CHRM3: variants seen among roughly 807,000 people sequenced by gnomAD.
The protein encoded by CHRM3 is cholinergic receptor muscarinic 3, also known as muscarinic acetylcholine receptor M3.
In CHRM3, 11 loss-of-function variants were observed where a neutral mutation model predicts 41.8. The ratio of observed to expected loss-of-function variants is 0.26; its 90% CI spans 0.17 to 0.44. The LOEUF (loss-of-function observed/expected upper bound fraction) is 0.44. CHRM3 is among the 20% of genes least tolerant of loss of function. CHRM3 has a pLI of 1.00. For synonymous variants in CHRM3, 297 were observed against 301.4 expected (o/e 0.99, Z 0.15); for missense variants, 571 against 745.4 (o/e 0.77, Z 2.72).
intron 3 of CHRM3, among the ~76,000 whole-genome samples, chr1:239,550,659 A>T (rs1367273487): frequency 1.3e-5 from 2 of 152,188 alleles, no homozygotes; most frequent in Admixed American, 1.3e-4. Context: ...ACTTACCGTG[A>T]TGTTTATATC....
At chr1:239,866,991 G>T (rs375770140) in intron 6 of CHRM3, among the ~76,000 whole-genome samples, 1 of 152,174 alleles carries the variant, frequency 6.6e-6, no homozygotes. Context: ...AGGCTAGTGC[G>T]TGGTAGAACC....
chr1:239,519,301 CTAAACTAAAATTCTAAATT>C (rs1439992728), intron 2 of CHRM3, among the ~76,000 whole-genome samples: 3 of 152,064 alleles, frequency 2.0e-5, no homozygotes, highest in African/African-American at 4.8e-5. Context: ...CTCTAGGAAA[CTAAACTAAAATTCTAAATT>C]TAAACTAAAA....
At chr1:239,736,642 A>C (rs1303680275) in intron 5 of CHRM3, among the ~76,000 whole-genome samples, 1 of 152,128 alleles carries the variant, frequency 6.6e-6, no homozygotes, top group Non-Finnish European at 1.5e-5. Context: ...ACTCCATCTC[A>C]GGATTTTGCT....
At chr1:239,868,440 C>G (rs1676302938) in intron 6 of CHRM3, among the ~76,000 whole-genome samples, 1 of 152,122 alleles carries the variant, frequency 6.6e-6, no homozygotes, top group Non-Finnish European at 1.5e-5. Flanking sequence ...TTTTTCCCTT[C>G]TCTCAGTCTC....
rs372358378 is a variant in CHRM3, at chr1:239,641,832, C to T, written c.-250+9546C>T. Among the ~76,000 whole-genome samples the T allele has an allele frequency of 3.2e-5, 4 of 126,562 alleles. 1 individual carries two copies. The highest frequency in any genetic ancestry group is 8.1e-5 in the Admixed American group (1 of 12,396). 83.0% of individuals were successfully genotyped at this position (126,562 alleles called of 152,430 possible). On this transcript the variant is annotated intron_variant, in intron 4 of 6. Transcript: ENST00000676153. Reference sequence around the variant, plus strand: ...TATGATGTTAGCTGGTTATTTTGCTCGTTAGTTGATGCAGTTTCTTCCTAG... The same window carrying T: ...TATGATGTTAGCTGGTTATTTTGCTTGTTAGTTGATGCAGTTTCTTCCTAG...
At chr1:239,638,865 T>C in intron 4 of CHRM3, among the ~76,000 whole-genome samples, 1 of 152,196 alleles carries the variant, frequency 6.6e-6, no homozygotes, top group East Asian at 1.9e-4. Flanking sequence ...TGGTAATGCC[T>C]AGGTTTTCTT....
chr1:239,524,649 G>C (rs1330963699), intron 2 of CHRM3, among the ~76,000 whole-genome samples: 4 of 151,994 alleles, frequency 2.6e-5, no homozygotes, highest in Non-Finnish European at 1.5e-5. Context: ...ATATTAACCA[G>C]AGTAAGCCAT....
At chr1:239,455,276 C>A (rs1664844876) in intron 1 of CHRM3, among the ~76,000 whole-genome samples, 1 of 151,990 alleles carries the variant, frequency 6.6e-6, no homozygotes, top group Non-Finnish European at 1.5e-5. Flanking sequence ...GTCTTGAACT[C>A]CCAACCTCAG....
intron 5 of CHRM3, among the ~76,000 whole-genome samples, chr1:239,782,724 T>C: frequency 6.6e-6 from 1 of 152,136 alleles, no homozygotes; most frequent in South Asian, 2.1e-4. Flanking sequence ...TTTAAGATCT[T>C]TCTTTCCTAA....
chr1:239,759,166 TTTGTTTTTTTTTTTTG>T (rs1666496609), intron 5 of CHRM3, among the ~76,000 whole-genome samples: 3 of 135,502 alleles, frequency 2.2e-5, no homozygotes, highest in East Asian at 4.3e-4. Context: ...GGTTTTTTTT[TTTGTTTTTTTTTTTTG>T]TTTTTTTTTT....
chr1:239,423,185 T>G (rs557700875), intron 1 of CHRM3, among the ~76,000 whole-genome samples: 5 of 152,278 alleles, frequency 3.3e-5, no homozygotes, highest in East Asian at 1.9e-4. Flanking sequence ...CCAAAGAAAT[T>G]TTATCTTCTT....
intron 1 of CHRM3, among the ~76,000 whole-genome samples, chr1:239,403,143 T>C (rs1326068834): frequency 2.6e-4 from 39 of 152,204 alleles, no homozygotes; most frequent in Non-Finnish European, 2.9e-5. Flanking sequence ...CCTTGTCCTT[T>C]AGATTTTGAG....
intron 2 of CHRM3, among the ~76,000 whole-genome samples, chr1:239,500,617 T>TA (rs1362477411): frequency 7.1e-6 from 1 of 141,462 alleles, no homozygotes; most frequent in Non-Finnish European, 1.6e-5. Flanking sequence ...AAAGTATAAT[T>TA]AAAAAAAAAT....
intron 5 of CHRM3, among the ~76,000 whole-genome samples, chr1:239,724,340 A>T (rs1039349277): frequency 6.6e-6 from 1 of 151,990 alleles, no homozygotes; most frequent in Non-Finnish European, 1.5e-5. Flanking sequence ...TGGCAAAGTG[A>T]TAATATCTTT....
intron 5 of CHRM3, among the ~76,000 whole-genome samples, chr1:239,766,718 T>C (rs1667257855): frequency 7.1e-6 from 1 of 140,138 alleles, no homozygotes; most frequent in South Asian, 2.2e-4. Context: ...GATATAGATA[T>C]AATTTTTCTT....
chr1:239,858,442 T>C (rs1675299343), intron 6 of CHRM3, among the ~76,000 whole-genome samples: 1 of 152,014 alleles, frequency 6.6e-6, no homozygotes, highest in South Asian at 2.1e-4. Flanking sequence ...TCTAGATTCC[T>C]GTTTTGGTTT....
chr1:239,678,674 C>T (rs538410680), intron 5 of CHRM3, among the ~76,000 whole-genome samples: 10 of 152,154 alleles, frequency 6.6e-5, no homozygotes, highest in African/African-American at 1.9e-4. Context: ...AGAAAAACAT[C>T]GACTTCTTTC....
intron 5 of CHRM3, among the ~76,000 whole-genome samples, chr1:239,755,170 G>A (rs1356078456): frequency 1.3e-5 from 2 of 152,098 alleles, no homozygotes; most frequent in South Asian, 2.1e-4. Flanking sequence ...AGATTCCAGA[G>A]GACTCCACCC....
chr1:239,392,993 T>C (rs528394868), intron 1 of CHRM3, among the ~76,000 whole-genome samples: 1 of 152,234 alleles, frequency 6.6e-6, no homozygotes, highest in Admixed American at 6.5e-5. Context: ...TTTTGTAGAC[T>C]CACAATCCAT....
Sources: gnomAD v4.1 joint callset for allele counts (sites outside exome capture counted in the v4.1 genomes callset) on GRCh38, gnomAD v4.1.1 for gene constraint, MANE v1.5 for transcripts, NCBI Gene and HGNC (gene_info 2026-07-23, HGNC 2026-07-21) for gene names.